GPHN: variants seen among roughly 807,000 people sequenced by gnomAD.
GPHN encodes gephyrin.
In GPHN, 17 loss-of-function variants were observed where a neutral mutation model predicts 95.5. The observed-to-expected ratio is 0.18, with a 90% CI of 0.12 to 0.27. The LOEUF is 0.27. Ranked by LOEUF, GPHN falls within the 10% of genes least tolerant of loss-of-function variation. The probability of loss-of-function intolerance (pLI) is 1.00; values close to 1 mark genes in which losing one functional copy is unlikely to be tolerated. For synonymous variants in GPHN, 320 were observed against 322.5 expected, an observed-to-expected ratio of 0.99 and a Z score of 0.08; for missense variants, 660 against 978.1, an observed-to-expected ratio of 0.67 and a Z score of 4.34.
At position 66,915,958 on chromosome 14, in the gene GPHN, C is replaced by G. The variant is rs773389165; in HGVS notation, c.390-45C>G. 12 of 986,034 alleles carry G rather than the reference C, an allele frequency of 1.2e-5. No homozygotes were observed. In the Admixed American group the frequency reaches 2.0e-4, roughly 17 times the overall value. The allele number at this position is 986,034 out of a possible 1,614,324, so 61.1% of individuals were successfully genotyped here. A position where few individuals can be genotyped will look rare whatever the true frequency, so the allele number is the denominator to read the frequency against. ...TTGTTCTTAATGTATTTAAACCGGG[C>G]ATTCATAGCAATTTAGTGTTCATCT... On this transcript the variant is annotated intron_variant, in intron 5 of 22. Coordinates refer to ENST00000478722, the MANE Select transcript of GPHN (RefSeq NM_020806.5).
chr14:67,226,172 T>C, the GPHN span, among the ~76,000 whole-genome samples: 1 of 152,112 alleles, frequency 6.6e-6, no homozygotes, highest in African/African-American at 2.4e-5. Context: ...AGCATTTTGT[T>C]TATTTACTTG....
intron 8 of GPHN, among the ~76,000 whole-genome samples, chr14:66,925,522 C>G (rs1312498337): frequency 2.0e-5 from 3 of 152,070 alleles, no homozygotes; most frequent in Non-Finnish European, 4.4e-5. Context: ...TAAGTGAGAA[C>G]ATGCAAAGTT....
the GPHN span, chr14:67,572,090 G>A: frequency 7.2e-5 from 114 of 1,578,666 alleles, no homozygotes; most frequent in Non-Finnish European, 8.0e-5. Context: ...TGCGTGAGTC[G>A]GGGAGGTGTG....
chr14:66,583,009 A>G (rs2061260878), intron 1 of GPHN, among the ~76,000 whole-genome samples: 1 of 152,076 alleles, frequency 6.6e-6, no homozygotes, highest in African/African-American at 2.4e-5. Flanking sequence ...CAACAGTGTA[A>G]AAGTGTTCCT....
the GPHN span, among the ~76,000 whole-genome samples, chr14:67,678,838 T>TAAA: frequency 1.1e-4 from 16 of 145,420 alleles, no homozygotes; most frequent in African/African-American, 4.1e-4. Flanking sequence ...CCTGGAGTAG[T>TAAA]AAAAAAAAAA....
chr14:67,137,769 A>G (rs1178581199), intron 17 of GPHN, among the ~76,000 whole-genome samples: 1 of 152,176 alleles, frequency 6.6e-6, no homozygotes, highest in East Asian at 1.9e-4. Context: ...TGTCTCAAAA[A>G]AAGAAAAAAA....
At chr14:66,588,339 A>G (rs1224307704) in intron 1 of GPHN, among the ~76,000 whole-genome samples, 1 of 152,136 alleles carries the variant, frequency 6.6e-6, no homozygotes, top group East Asian at 1.9e-4. Context: ...TCTCCTCCAA[A>G]GTATCACAAC....
chr14:67,411,513 C>A, the GPHN span, among the ~76,000 whole-genome samples: 1 of 152,088 alleles, frequency 6.6e-6, no homozygotes. Context: ...CTGCCTTCAC[C>A]GCCCCGAGCA....
intron 4 of GPHN, among the ~76,000 whole-genome samples, chr14:66,843,819 T>C (rs143820886): frequency 1.1e-3 from 166 of 152,288 alleles, no homozygotes; most frequent in African/African-American, 3.8e-3. Flanking sequence ...TTCTTCTCTT[T>C]ATGTAAGAAT....
intron 4 of GPHN, among the ~76,000 whole-genome samples, chr14:66,828,276 TCTA>T (rs762700535): frequency 1.3e-5 from 2 of 151,976 alleles, no homozygotes; most frequent in Non-Finnish European, 2.9e-5. Context: ...AAAAAGTAAT[TCTA>T]CTAATTTCCC....
intron 14 of GPHN, among the ~76,000 whole-genome samples, chr14:67,111,565 AT>A (rs2078372507): frequency 6.6e-6 from 1 of 152,176 alleles, no homozygotes; most frequent in Non-Finnish European, 1.5e-5. Context: ...CAAATTCTAT[AT>A]AATGTATTAG....
chr14:67,389,556 G>A, the GPHN span, among the ~76,000 whole-genome samples: 1 of 152,058 alleles, frequency 6.6e-6, no homozygotes, highest in African/African-American at 2.4e-5. Flanking sequence ...ATCTATGTAT[G>A]TATATGAGCA....
the GPHN span, among the ~76,000 whole-genome samples, chr14:67,517,169 T>A: frequency 2.0e-5 from 3 of 152,268 alleles, 1 homozygote; most frequent in African/African-American, 7.2e-5. Context: ...AAGCAGCTAG[T>A]CTAGCAGCAA....
At chr14:67,713,894 A>G in the GPHN span, among the ~76,000 whole-genome samples, 1 of 152,144 alleles carries the variant, frequency 6.6e-6, no homozygotes. Context: ...TGAGAGAAAA[A>G]CAGCTGCATT....
chr14:67,179,585 G>A lies in GPHN; in HGVS notation c.2087G>A (p.Cys696Tyr), dbSNP rs1479909922. Residue 696 changes from cysteine to tyrosine, a missense_variant, in exon 22 of 23, where the codon TGT becomes TAT. Transcript: ENST00000478722. The stretch of plus-strand genomic sequence containing the variant: ...TTCTACTTTATTCTGTAGTTATCAT[G>A]TGATGTAAAACTTGATCCTCGTCCA... The part of the protein sequence containing the change: ...RPTIIKARLS[C>Y]DVKLDPRPEY... The A allele has an allele frequency of 6.3e-7, 1 of 1,580,234 alleles. No individual in the cohort carries two copies. Among genetic ancestry groups the A allele is most frequent in the African/African-American group, 1.3e-5 (1 of 74,310 alleles).
At chr14:67,582,114 G>A in the GPHN span, 1 of 1,613,264 alleles carries the variant, frequency 6.2e-7, no homozygotes, top group African/African-American at 1.3e-5. This position sits in a 1 kb window ranked among gnomAD's most constrained non-coding sequence, Gnocchi z 5.0. Flanking sequence ...ACCGAGAACG[G>A]CTGCTCCTTG....
At chr14:67,683,914 C>CA in the GPHN span, among the ~76,000 whole-genome samples, 3 of 152,338 alleles carry the variant, frequency 2.0e-5, no homozygotes, top group East Asian at 3.9e-4. Context: ...ATTACTTTTC[C>CA]ATGTCTGCTG....
At chr14:67,719,290 C>T in the GPHN span, among the ~76,000 whole-genome samples, 1 of 152,112 alleles carries the variant, frequency 6.6e-6, no homozygotes, top group Non-Finnish European at 1.5e-5. Flanking sequence ...AGTAACCTGA[C>T]AATTAATAAA....
At chr14:67,358,211 T>C in the GPHN span, among the ~76,000 whole-genome samples, 1 of 152,198 alleles carries the variant, frequency 6.6e-6, no homozygotes, top group African/African-American at 2.4e-5. Context: ...CATCACGTCC[T>C]AGGAGTTCTG....
Sources: gnomAD v4.1 joint callset for allele counts (sites outside exome capture counted in the v4.1 genomes callset) on GRCh38, gnomAD v4.1.1 for gene constraint, Gnocchi (gnomAD v3.1) non-coding constraint, MANE v1.5 for transcripts, NCBI Gene and HGNC (gene_info 2026-07-23, HGNC 2026-07-21) for gene names.